Variants in FBXL17 observed in about 807,000 individuals in gnomAD.
FBXL17 encodes F-box and leucine rich repeat protein 17, also known as F-box/LRR-repeat protein 17.
Under a neutral mutation model 66.2 loss-of-function variants are expected in FBXL17, and 22 were observed. The ratio of observed to expected loss-of-function variants is 0.33; its 90% CI spans 0.24 to 0.47. FBXL17 has a LOEUF of 0.47. Among genes scored for constraint, FBXL17 ranks in the 20% least tolerant of loss-of-function variants. FBXL17 has a pLI of 1.00. For synonymous variants in FBXL17, 474 were observed against 400.5 expected (o/e 1.18, Z -2.19); for missense variants, 878 against 948.2 (o/e 0.93, Z 0.97).
intron 7 of FBXL17, among the ~76,000 whole-genome samples, chr5:107,896,188 A>T (rs565627350): frequency 6.6e-6 from 1 of 152,312 alleles, no homozygotes; most frequent in East Asian, 1.9e-4. Flanking sequence ...AGTATCCCGC[A>T]TCATTATTTC....
chr5:108,187,753 A>G (rs1011779632), intron 5 of FBXL17, among the ~76,000 whole-genome samples: 4 of 152,220 alleles, frequency 2.6e-5, no homozygotes, highest in Non-Finnish European at 4.4e-5. Flanking sequence ...CCCTTCAGAA[A>G]CACAATCCAG....
chr5:108,084,083 C>T (rs769350379), intron 6 of FBXL17, among the ~76,000 whole-genome samples: 1 of 152,224 alleles, frequency 6.6e-6, no homozygotes, highest in African/African-American at 2.4e-5. Flanking sequence ...TGGCTTTCTT[C>T]TGTGTTATCA....
At chr5:108,157,008 T>C (rs948092862) in intron 6 of FBXL17, among the ~76,000 whole-genome samples, 2 of 151,804 alleles carry the variant, frequency 1.3e-5, no homozygotes, top group African/African-American at 2.4e-5. Context: ...AAATAATCTA[T>C]ATTTTCCATA....
intron 7 of FBXL17, among the ~76,000 whole-genome samples, chr5:107,905,761 T>G (rs186882554): frequency 2.6e-5 from 4 of 152,356 alleles, no homozygotes; most frequent in South Asian, 2.1e-4. Context: ...CATCTGGAAT[T>G]ATTTCCATAG....
rs1208484490 is a variant in FBXL17, at chr5:108,382,019, G to T, written c.-328C>A. On this transcript the variant is annotated 5_prime_UTR_variant, in exon 1 of 9. Transcript: ENST00000542267. ...CGGCCAGCCGGCTCAGTCAGTCAGC[G>T]GAGCGGCCGGGGAAAGGCCGGGTCC... 52 of 1,097,988 alleles carry T rather than the reference G, an allele frequency of 4.7e-5. No individual in the cohort carries two copies. The highest frequency in any genetic ancestry group is 5.8e-5 in the Non-Finnish European group (52 of 892,534). 68.0% of individuals were successfully genotyped at this position (1,097,988 alleles called of 1,614,324 possible).
chr5:107,963,926 G>C (rs1006142289), intron 7 of FBXL17, among the ~76,000 whole-genome samples: 3 of 152,084 alleles, frequency 2.0e-5, no homozygotes, highest in Non-Finnish European at 2.9e-5. Flanking sequence ...AGATAATTCA[G>C]AACATCTAAA....
intron 7 of FBXL17, among the ~76,000 whole-genome samples, chr5:107,977,336 C>T (rs992972500): frequency 1.3e-5 from 2 of 152,130 alleles, no homozygotes; most frequent in African/African-American, 2.4e-5. Flanking sequence ...CACACACACA[C>T]GTAATTTAAT....
intron 7 of FBXL17, among the ~76,000 whole-genome samples, chr5:107,998,139 C>T (rs1289154061): frequency 6.6e-6 from 1 of 152,112 alleles, no homozygotes; most frequent in African/African-American, 2.4e-5. Flanking sequence ...TAATTGATTA[C>T]ATGCTGGAAT....
At chr5:108,358,558 C>T (rs1209089045) in intron 3 of FBXL17, among the ~76,000 whole-genome samples, 7 of 151,938 alleles carry the variant, frequency 4.6e-5, no homozygotes, top group Admixed American at 1.3e-4. Context: ...GTGTAGAATC[C>T]TTTTAATCTG....
At chr5:108,066,006 C>T (rs1748102938) in intron 6 of FBXL17, among the ~76,000 whole-genome samples, 1 of 152,044 alleles carries the variant, frequency 6.6e-6, no homozygotes, top group Non-Finnish European at 1.5e-5. Context: ...GAATAGGGGA[C>T]TATCGAAGGT....
rs116514395 is a variant in FBXL17, at chr5:107,951,227, T to C, written c.1822+69698A>G. Among the ~76,000 whole-genome samples the C allele has an allele frequency of 3.2e-3, 487 of 152,368 alleles. 3 individuals are homozygous for C. Among genetic ancestry groups the C allele is most frequent in the African/African-American group, 0.011 (457 of 41,590 alleles). On this transcript the variant is annotated intron_variant, in intron 7 of 8. Transcript: ENST00000542267. ...GGCATAAACACATTTTCAATGCATA[T>C]GGGTAATATGTCTGCTTAATTTTGG...
At chr5:108,300,976 G>A (rs1251173486) in intron 4 of FBXL17, among the ~76,000 whole-genome samples, 1 of 151,664 alleles carries the variant, frequency 6.6e-6, no homozygotes, top group Non-Finnish European at 1.5e-5. Flanking sequence ...TTAGATCACA[G>A]AGAATAAAAT....
At chr5:108,110,138 A>T (rs142120713) in intron 6 of FBXL17, among the ~76,000 whole-genome samples, 25 of 151,792 alleles carry the variant, frequency 1.6e-4, no homozygotes, top group African/African-American at 5.8e-4. Flanking sequence ...GCCAAGCAAA[A>T]CTCTCACTGT....
At chr5:107,953,924 T>C (rs1374812674) in intron 7 of FBXL17, among the ~76,000 whole-genome samples, 4 of 152,226 alleles carry the variant, frequency 2.6e-5, no homozygotes, top group African/African-American at 4.8e-5. Context: ...ACCAATTATT[T>C]TGATACTTAA....
At chr5:107,883,171 G>A (rs1399519447) in intron 7 of FBXL17, among the ~76,000 whole-genome samples, 1 of 152,262 alleles carries the variant, frequency 6.6e-6, no homozygotes, top group East Asian at 1.9e-4. Flanking sequence ...AGAATTTCAG[G>A]TGTATTGTCA....
Position 108,002,182 on chromosome 5 carries a change from A to ATTTTTTTTTTTTTTTTT in FBXL17, c.1822+18726_1822+18742dup, listed in dbSNP as rs765399250. 1.6e-4 allele frequency among the ~76,000 whole-genome samples: 17 copies of ATTTTTTTTTTTTTTTTT among 109,454 alleles called. 1 individual carries two copies. Among genetic ancestry groups the ATTTTTTTTTTTTTTTTT allele is most frequent in the East Asian group, 1.3e-3 (5 of 3,736 alleles). 71.8% of individuals were successfully genotyped at this position (109,454 alleles called of 152,430 possible). A position where few individuals can be genotyped will look rare whatever the true frequency, so the allele number is the denominator to read the frequency against. On this transcript the variant is annotated intron_variant, in intron 7 of 8. Transcript: ENST00000542267. ...TGGCACACACCACCACACCCAGCTA[A>ATTTTTTTTTTTTTTTTT]TTTTTTTTTTTTTTTTTTTTTTAGT... is the stretch of plus-strand genomic sequence containing the variant.
At chr5:108,377,213 T>TA (rs1418355803) in intron 1 of FBXL17, among the ~76,000 whole-genome samples, 5 of 152,156 alleles carry the variant, frequency 3.3e-5, no homozygotes. Flanking sequence ...TGCTCTCAGT[T>TA]AGACAACCTC....
intron 4 of FBXL17, among the ~76,000 whole-genome samples, chr5:108,234,566 TA>T (rs5870309): frequency 0.45 from 68,371 of 152,034 alleles, 15,693 homozygotes; most frequent in Non-Finnish European, 0.5. Context: ...GGCCTTCCTT[TA>T]ACCTCCAGAG....
intron 5 of FBXL17, among the ~76,000 whole-genome samples, chr5:108,205,455 C>A (rs1754078625): frequency 6.6e-6 from 1 of 152,122 alleles, no homozygotes; most frequent in East Asian, 1.9e-4. Context: ...TCTCAATAAT[C>A]TCAAGGATAT....
Sources: gnomAD v4.1 joint callset for allele counts (sites outside exome capture counted in the v4.1 genomes callset) on GRCh38, gnomAD v4.1.1 for gene constraint, MANE v1.5 for transcripts, NCBI Gene and HGNC (gene_info 2026-07-23, HGNC 2026-07-21) for gene names.